Variants in CLPTM1L observed in about 807,000 individuals in gnomAD.
CLPTM1L encodes lipid scramblase CLPTM1L.
In CLPTM1L, 38 loss-of-function variants were observed where a neutral mutation model predicts 70.9. The observed-to-expected ratio is 0.54, with a 90% CI of 0.41 to 0.70. CLPTM1L has a LOEUF of 0.70. CLPTM1L is among the 30% of genes least tolerant of loss of function. The probability of loss-of-function intolerance (pLI) is 0.00; values close to 1 mark genes in which losing one functional copy is unlikely to be tolerated. For synonymous variants in CLPTM1L, 339 were observed against 299.9 expected (o/e 1.13, Z -1.35); for missense variants, 652 against 705.9 (o/e 0.92, Z 0.87).
At chr5:1,332,606 A>G (rs1380643989) in intron 7 of CLPTM1L, among the ~76,000 whole-genome samples, 1 of 152,160 alleles carries the variant, frequency 6.6e-6, no homozygotes, top group Admixed American at 6.5e-5. Context: ...CACGAACAAC[A>G]GTAAGAGCAC....
At position 1,335,153 on chromosome 5, in the gene CLPTM1L, C is replaced by T. The variant is rs200411343; in HGVS notation, c.700G>A (p.Glu234Lys). 4.2e-5 allele frequency: 68 copies of T among 1,613,666 alleles called. No homozygotes were observed. Among genetic ancestry groups the T allele is most frequent in the Admixed American group, 1.3e-4 (8 of 60,036 alleles). ...DLMVINRSTT[E>K]LPLTVSYDKV... ...TCGTAGGACACGGTGAGGGGCAGCT[C>T]GGTGGTGGAGCGGTTTATGACCTGA... is the stretch of plus-strand genomic sequence containing the variant. Residue 234 changes from glutamate (E) to lysine (K), a missense_variant, in exon 6 of 17, where the codon GAG becomes AAG. By Grantham distance (56) the Glu-to-Lys change is moderately conservative (BLOSUM62 1). Coordinates refer to ENST00000320895, the MANE Select transcript of CLPTM1L (RefSeq NM_030782.5).
intron 4 of CLPTM1L, chr5:1,338,261 C>G: frequency 1.9e-6 from 1 of 517,072 alleles, no homozygotes; most frequent in South Asian, 2.1e-5. Context: ...GGGACACGGC[C>G]GTACAGCAGA....
chr5:1,328,816 A>G (rs530077048), intron 9 of CLPTM1L, among the ~76,000 whole-genome samples: 3 of 149,930 alleles, frequency 2.0e-5, no homozygotes, highest in Admixed American at 6.6e-5. Context: ...CTCCTGCTCT[A>G]CAGACACATT....
chr5:1,325,107 G>A, intron 10 of CLPTM1L: 1 of 526,100 alleles, frequency 1.9e-6, no homozygotes, highest in East Asian at 3.2e-5. Context: ...TGAGAACACT[G>A]CAGAGCACAC....
rs1225989968 is a variant in CLPTM1L, at chr5:1,331,731, T to C, written c.976+68A>G. ...CAGCCAGCAGTGAGGCAGGCAGCCC[T>C]CTACCGCAGGCTCCAGTGAGCTCCC... On this transcript the variant is annotated intron_variant, in intron 8 of 16. Transcript: ENST00000320895. The C allele has an allele frequency of 2.2e-6, 3 of 1,373,170 alleles. No homozygotes were observed. The East Asian group carries it at 6.9e-5, about 31-fold the overall frequency. 85.1% of individuals were successfully genotyped at this position (1,373,170 alleles called of 1,614,324 possible).
At position 1,338,684 on chromosome 5, in the gene CLPTM1L, C is replaced by G. The variant is rs1023331757; in HGVS notation, c.599+176G>C. 3.9e-5 allele frequency among the ~76,000 whole-genome samples: 6 copies of G among 152,342 alleles called. 1 individual carries two copies. In the Middle Eastern group the frequency reaches 0.01, roughly 259 times the overall value. ...TGAATTCCTTTCTCCCCCCTTCCAG[C>G]CCTGTGGTAGCAGCACAACCTCAAT... On this transcript the variant is annotated intron_variant, in intron 4 of 16. Transcript: ENST00000320895.
chr5:1,331,337 C>T (rs918122395), intron 8 of CLPTM1L: 2 of 175,822 alleles, frequency 1.1e-5, no homozygotes, highest in Non-Finnish European at 2.4e-5. Context: ...CACAGCACCA[C>T]GGGCCTATTA....
chr5:1,318,363 C>A lies in CLPTM1L; in HGVS notation c.*6G>T. 2 of 1,611,420 alleles carry A rather than the reference C, an allele frequency of 1.2e-6. No individual in the cohort carries two copies. The highest frequency in any genetic ancestry group is 1.7e-5 in the Admixed American group (1 of 59,894). ...TGCACTTGGCTGGCGGCAGCCCGGG[C>A]GGCCTTCAGTCCGTGTGGGGCGCCC... On this transcript the variant is annotated 3_prime_UTR_variant, in exon 17 of 17. Transcript: ENST00000320895. The surrounding 1 kb of genome is among the most constrained non-coding windows in gnomAD (Gnocchi z 8.9).
At chr5:1,326,518 C>T (rs1480950612) in intron 9 of CLPTM1L, 2 of 256,144 alleles carry the variant, frequency 7.8e-6, no homozygotes, top group Non-Finnish European at 1.5e-5. Flanking sequence ...CATCCAGCTC[C>T]TCCTCTACCG....
Position 1,318,235 on chromosome 5 carries a change from G to T in CLPTM1L, c.*134C>A. ...CCAAATCTGACGTGATGGGAACTTGGGAGATGTCTGAGAAATGTCCGAAGG... is the reference window on the plus strand; with the variant it reads ...CCAAATCTGACGTGATGGGAACTTGTGAGATGTCTGAGAAATGTCCGAAGG... On this transcript the variant is annotated 3_prime_UTR_variant, in exon 17 of 17. Transcript: ENST00000320895. The surrounding 1 kb of genome is among the most constrained non-coding windows in gnomAD (Gnocchi z 8.9). 1 of 688,716 alleles carries T rather than the reference G, an allele frequency of 1.5e-6. No individual in the cohort carries two copies. The allele number at this position is 688,716 out of a possible 1,614,324, so 42.7% of individuals were successfully genotyped here.
chr5:1,341,766 C>A lies in CLPTM1L; in HGVS notation c.358G>T (p.Asp120Tyr). ...LHHAGVLPWH[D>Y]GKQVHLVSPL... The stretch of plus-strand genomic sequence containing the variant: ...CTGACCAGGTGCACCTGCTTCCCGT[C>A]GTGCCACGGCAGGACCCCAGCGTGA... The change falls in exon 3 of 17, where the codon GAC becomes TAC. Residue 120 changes from aspartate (D) to tyrosine (Y), a missense_variant. Asp to Tyr is a radical substitution (Grantham distance 160). This residue lies in a region of CLPTM1L where 402 missense variants were observed against 388.2 expected (regional missense o/e 1.04). Transcript: ENST00000320895. 1.9e-6 allele frequency: 3 copies of A among 1,614,010 alleles called. No individual in the cohort carries two copies.
chr5:1,325,280 C>T (rs1033957758), intron 10 of CLPTM1L: 3 of 244,022 alleles, frequency 1.2e-5, no homozygotes, highest in Non-Finnish European at 1.6e-5. Context: ...AAGGTCCATC[C>T]GTGGGCACTG....
intron 10 of CLPTM1L, 27 bp downstream of exon 10, chr5:1,325,724 G>A: frequency 6.3e-7 from 1 of 1,596,172 alleles, no homozygotes; most frequent in East Asian, 2.2e-5. Flanking sequence ...AGAGGCTTGG[G>A]GTTCAGCCAT....
At position 1,341,835 on chromosome 5, in the gene CLPTM1L, T is replaced by C. The variant is rs1358449032; in HGVS notation, c.289A>G (p.Lys97Glu). 6.2e-7 allele frequency: 1 copy of C among 1,613,700 alleles called. No homozygotes were observed. The highest frequency in any genetic ancestry group is 1.7e-5 in the Admixed American group (1 of 59,988). ...ERTVNVSVPK[K>E]TRNNGTLYAY... Reference sequence around the variant, plus strand: ...TACAGCGTCCCATTGTTTCTCGTTTTCTTTGGTACAGAAACATTAACTGTC... The same window carrying C: ...TACAGCGTCCCATTGTTTCTCGTTTCCTTTGGTACAGAAACATTAACTGTC... Residue 97 changes from lysine (K) to glutamate (E), a missense_variant, in exon 3 of 17, where the codon AAA becomes GAA. Transcript: ENST00000320895.
rs113602419 is a variant in CLPTM1L, at chr5:1,330,506, C to G, written c.977-123G>C. The G allele has an allele frequency of 3.1e-5, 21 of 680,784 alleles. 2 individuals are homozygous for G. The highest frequency in any genetic ancestry group is 2.3e-4 in the African/African-American group (13 of 55,982). The allele number at this position is 680,784 out of a possible 1,614,324, so 42.2% of individuals were successfully genotyped here. ...CCACGCCCAAGAAGCTTCAGGTACTCCCCAGTCCACGTCACCCCGTTTAAA... is the reference window on the plus strand; with the variant it reads ...CCACGCCCAAGAAGCTTCAGGTACTGCCCAGTCCACGTCACCCCGTTTAAA... On this transcript the variant is annotated intron_variant, in intron 8 of 16. Coordinates refer to ENST00000320895, the MANE Select transcript of CLPTM1L (RefSeq NM_030782.5).
chr5:1,337,581 G>A (rs1180113737), intron 5 of CLPTM1L, among the ~76,000 whole-genome samples: 5 of 152,242 alleles, frequency 3.3e-5, no homozygotes, highest in Non-Finnish European at 5.9e-5. Context: ...ACACGCAGAC[G>A]CTGTTTCACA....
In CLPTM1L at chr5:1,342,778, G is replaced by A. The variant is rs1029950026; in HGVS notation, c.264-918C>T. On this transcript the variant is annotated intron_variant, in intron 2 of 16. Transcript: ENST00000320895. This position sits in a 1 kb window ranked among gnomAD's most constrained non-coding sequence, Gnocchi z 4.3. Reference sequence around the variant, plus strand: ...TAACTTTGAAAACTGTTGTAGAGATGGGGTTTTGTCACATTGCCTAGGCTG... The same window carrying A: ...TAACTTTGAAAACTGTTGTAGAGATAGGGTTTTGTCACATTGCCTAGGCTG... 3.9e-5 allele frequency among the ~76,000 whole-genome samples: 6 copies of A among 152,204 alleles called. No individual in the cohort carries two copies. Among genetic ancestry groups the A allele is most frequent in the Non-Finnish European group, 8.8e-5 (6 of 68,028 alleles).
At chr5:1,327,470 C>A (rs1225572944) in intron 9 of CLPTM1L, among the ~76,000 whole-genome samples, 1 of 148,954 alleles carries the variant, frequency 6.7e-6, no homozygotes, top group Non-Finnish European at 1.5e-5. Context: ...TTCCATCCAG[C>A]TCCTCCTCTA....
Position 1,342,272 on chromosome 5 carries a change from A to T in CLPTM1L, c.264-412T>A, listed in dbSNP as rs1202481092. On this transcript the variant is annotated intron_variant, in intron 2 of 16. Coordinates refer to ENST00000320895, the MANE Select transcript of CLPTM1L (RefSeq NM_030782.5). This position sits in a 1 kb window ranked among gnomAD's most constrained non-coding sequence, Gnocchi z 4.3. ...CTCCGAAGCGACAGAAGGGAAGGGC[A>T]GCAGCCACGAGGGCTCCAGGTGCCT... Among the ~76,000 whole-genome samples, 1 of 152,224 alleles carries T rather than the reference A, an allele frequency of 6.6e-6. No homozygotes were observed. The highest frequency in any genetic ancestry group is 1.5e-5 in the Non-Finnish European group (1 of 68,034).
Sources: allele counts gnomAD v4.1 joint callset (sites outside exome capture counted in the v4.1 genomes callset), GRCh38; gene constraint gnomAD v4.1.1; regional missense constraint gnomAD v4.1.1; non-coding constraint Gnocchi (gnomAD v3.1); transcripts MANE v1.5; gene names NCBI Gene and HGNC (gene_info 2026-07-23, HGNC 2026-07-21).